ANK3: variants seen among roughly 807,000 people sequenced by gnomAD.
ANK3 encodes the protein ankyrin 3, also known as ankyrin-3.
In ANK3, 57 loss-of-function variants were observed where a neutral mutation model predicts 370.9. The ratio of observed to expected loss-of-function variants is 0.15; its 90% CI spans 0.12 to 0.19. The LOEUF (loss-of-function observed/expected upper bound fraction) is 0.19, where lower values mean the gene tolerates loss of function less well. Among genes scored for constraint, ANK3 ranks in the 10% least tolerant of loss-of-function variants. The pLI is 1.00. For synonymous variants in ANK3, 1,929 were observed against 1,946.3 expected, an observed-to-expected ratio of 0.99 and a Z score of 0.23; for missense variants, 4,439 against 5,302.1, an observed-to-expected ratio of 0.84 and a Z score of 5.06.
At chr10:60,607,920 A>T (rs957666127) in intron 2 of ANK3, among the ~76,000 whole-genome samples, 2 of 152,022 alleles carry the variant, frequency 1.3e-5, no homozygotes, top group Non-Finnish European at 2.9e-5. Flanking sequence ...AGCCACAGTG[A>T]CCTCCAGCTG....
At chr10:60,583,625 G>A (rs2077789323) in intron 2 of ANK3, among the ~76,000 whole-genome samples, 1 of 149,720 alleles carries the variant, frequency 6.7e-6, no homozygotes, top group Non-Finnish European at 1.5e-5. Context: ...CTCCAGTTCT[G>A]TCACCCAGGT....
intron 43 of ANK3, among the ~76,000 whole-genome samples, chr10:60,033,527 A>AG (rs2074196078): frequency 6.7e-6 from 1 of 148,438 alleles, no homozygotes; most frequent in Non-Finnish European, 1.5e-5. Context: ...AAAAAAAAAA[A>AG]AAAAAAAAAA....
At position 60,073,746 on chromosome 10, in the gene ANK3, T is replaced by C. The variant is rs2083229726; in HGVS notation, c.7135A>G (p.Lys2379Glu). The C allele has an allele frequency of 4.3e-6, 7 of 1,613,954 alleles. No homozygotes were observed. Among genetic ancestry groups the C allele is most frequent in the Non-Finnish European group, 5.9e-6 (7 of 1,180,010 alleles). The change falls in exon 37 of 44, where the codon AAA becomes GAA. Residue 2379 changes from lysine to glutamate, a missense_variant. By Grantham distance (56) the Lys-to-Glu change is moderately conservative. Around this residue, in one of 13 missense-constraint regions of ANK3, gnomAD observed 1,601 missense variants for 1,731.7 expected, o/e 0.92. Transcript: ENST00000280772. Reference protein sequence around the residue: ...DINLKDFLPEKHDAFPCSEEQ... With the variant: ...DINLKDFLPEEHDAFPCSEEQ... ...TCTGAACAAGGAAAAGCATCGTGTT[T>C]TTCTGGCAGAAAATCTTTTAGGTTA...
intron 1 of ANK3, among the ~76,000 whole-genome samples, chr10:60,352,615 T>A (rs530201226): frequency 6.6e-6 from 1 of 152,240 alleles, no homozygotes; most frequent in African/African-American, 2.4e-5. Context: ...GAGAACTTCC[T>A]ATGATGTTCT....
intron 7 of ANK3, among the ~76,000 whole-genome samples, chr10:60,256,268 G>T (rs2097733393): frequency 6.6e-6 from 1 of 152,154 alleles, no homozygotes; most frequent in South Asian, 2.1e-4. Context: ...AAAGTACTAA[G>T]TATTCACACA....
intron 25 of ANK3, among the ~76,000 whole-genome samples, chr10:60,131,181 T>C (rs1162558053): frequency 6.6e-6 from 1 of 152,190 alleles, no homozygotes; most frequent in Non-Finnish European, 1.5e-5. Flanking sequence ...AAGAAAATGA[T>C]CAATGATTTC....
chr10:60,601,446 CT>C (rs1472676621), intron 2 of ANK3, among the ~76,000 whole-genome samples: 7 of 152,054 alleles, frequency 4.6e-5, no homozygotes, highest in African/African-American at 1.4e-4. Context: ...GGTACTTCAA[CT>C]CTGTGGTCAA....
chr10:60,487,035 C>T (rs939637397), intron 2 of ANK3, among the ~76,000 whole-genome samples: 3 of 152,004 alleles, frequency 2.0e-5, no homozygotes, highest in African/African-American at 4.8e-5. Context: ...AATTTAATAA[C>T]ACAAATATAT....
intron 2 of ANK3, among the ~76,000 whole-genome samples, chr10:60,467,515 C>T (rs1189188744): frequency 2.6e-5 from 4 of 152,058 alleles, no homozygotes; most frequent in East Asian, 1.9e-4. Flanking sequence ...AACAGGTTTA[C>T]GTTTATGATA....
chr10:60,653,632 G>A (rs1248813321), intron 1 of ANK3, among the ~76,000 whole-genome samples: 3 of 152,102 alleles, frequency 2.0e-5, no homozygotes, highest in Non-Finnish European at 4.4e-5. Context: ...TACTTTGGGA[G>A]GACAAGGTGG....
chr10:60,652,141 G>C (rs1417799541), intron 1 of ANK3, among the ~76,000 whole-genome samples: 2 of 152,060 alleles, frequency 1.3e-5, no homozygotes, highest in Non-Finnish European at 2.9e-5. Flanking sequence ...CCAGTGTTTT[G>C]GGAGGCCAAG....
intron 2 of ANK3, among the ~76,000 whole-genome samples, chr10:60,422,587 AG>A (rs1303598494): frequency 5.3e-5 from 8 of 152,110 alleles, no homozygotes; most frequent in Non-Finnish European, 1.5e-5. Context: ...ATTCATTTCT[AG>A]GTAATAAAGC....
intron 1 of ANK3, among the ~76,000 whole-genome samples, chr10:60,280,191 T>C (rs897864683): frequency 6.6e-6 from 1 of 152,156 alleles, no homozygotes; most frequent in Admixed American, 6.5e-5. Context: ...GCCTCCTCAG[T>C]AGCTGAGACT....
chr10:60,267,574 G>T (rs2097900822), intron 5 of ANK3, among the ~76,000 whole-genome samples: 1 of 152,096 alleles, frequency 6.6e-6, no homozygotes, highest in South Asian at 2.1e-4. Flanking sequence ...GTGATTTGAA[G>T]ATCTCACGTA....
chr10:60,124,725 T>C (rs1014373247), intron 25 of ANK3, among the ~76,000 whole-genome samples: 2 of 152,210 alleles, frequency 1.3e-5, no homozygotes, highest in Non-Finnish European at 2.9e-5. Context: ...GTGGCACTAT[T>C]GCCTAGTGGC....
chr10:60,467,469 C>A (rs946679711), intron 2 of ANK3, among the ~76,000 whole-genome samples: 16 of 152,128 alleles, frequency 1.1e-4, no homozygotes, highest in African/African-American at 2.4e-5. Context: ...AGAAGTAAGG[C>A]TCCATTCTTT....
At chr10:60,552,095 C>T (rs1226821228) in intron 2 of ANK3, among the ~76,000 whole-genome samples, 1 of 152,178 alleles carries the variant, frequency 6.6e-6, no homozygotes, top group Non-Finnish European at 1.5e-5. Context: ...AGAGCAATGA[C>T]AACTTCATCA....
chr10:60,508,938 G>T (rs753843442), intron 2 of ANK3, among the ~76,000 whole-genome samples: 5 of 152,110 alleles, frequency 3.3e-5, no homozygotes, highest in Non-Finnish European at 4.4e-5. Flanking sequence ...ACCAGGAATC[G>T]CTTAAGATCT....
intron 1 of ANK3, among the ~76,000 whole-genome samples, chr10:60,640,542 T>C (rs1162120219): frequency 9.5e-6 from 1 of 104,936 alleles, no homozygotes; most frequent in Non-Finnish European, 2.0e-5. Flanking sequence ...AAAAACCACA[T>C]GATTATCTCA....
Sources: gnomAD v4.1 joint callset for allele counts (sites outside exome capture counted in the v4.1 genomes callset) on GRCh38, gnomAD v4.1.1 for gene constraint, gnomAD v4.1.1 regional missense constraint, MANE v1.5 for transcripts, NCBI Gene and HGNC (gene_info 2026-07-23, HGNC 2026-07-21) for gene names.